Variants in MDGA2 observed in about 807,000 individuals in gnomAD.
MDGA2 encodes MAM domain-containing glycosylphosphatidylinositol anchor protein 2.
MDGA2 carries 40 observed loss-of-function variants against 117.8 expected under a neutral mutation model. The ratio of observed to expected loss-of-function variants is 0.34; its 90% confidence interval spans 0.26 to 0.44. The LOEUF is 0.44. MDGA2 is among the 20% of genes least tolerant of loss of function. The probability of loss-of-function intolerance (pLI) is 1.00; values close to 1 mark genes in which losing one functional copy is unlikely to be tolerated. For missense variants in MDGA2, 1,123 were observed against 1,250.6 expected, an observed-to-expected ratio of 0.90 and a Z score of 1.54; for synonymous variants, 452 against 439.0, an observed-to-expected ratio of 1.03 and a Z score of -0.37.
intron 1 of MDGA2, among the ~76,000 whole-genome samples, chr14:47,310,633 C>T (rs1358384898): frequency 1.3e-5 from 2 of 151,686 alleles, no homozygotes; most frequent in African/African-American, 4.8e-5. Flanking sequence ...TATATTGGAT[C>T]CTATGCTACA....
intron 2 of MDGA2, among the ~76,000 whole-genome samples, chr14:47,218,858 C>T (rs1366771807): frequency 6.6e-6 from 1 of 152,026 alleles, no homozygotes; most frequent in Non-Finnish European, 1.5e-5. Context: ...TTCTACTAAA[C>T]TGCCAAAACA....
At chr14:47,014,378 C>T (rs932993752) in intron 8 of MDGA2, among the ~76,000 whole-genome samples, 1 of 152,126 alleles carries the variant, frequency 6.6e-6, no homozygotes, top group Non-Finnish European at 1.5e-5. Flanking sequence ...TTCAGCCTAT[C>T]CTTTGAAGTT....
At chr14:47,142,816 G>GTA (rs1303139110) in intron 4 of MDGA2, among the ~76,000 whole-genome samples, 1 of 152,152 alleles carries the variant, frequency 6.6e-6, no homozygotes, top group Non-Finnish European at 1.5e-5. Flanking sequence ...CTTCGTTTCA[G>GTA]TACTATGTTA....
At chr14:47,663,675 C>G (rs991414226) in intron 1 of MDGA2, among the ~76,000 whole-genome samples, 14 of 152,108 alleles carry the variant, frequency 9.2e-5, no homozygotes, top group Non-Finnish European at 1.9e-4. Flanking sequence ...GTGGGAAACA[C>G]CAATTCTGGT....
At chr14:47,615,063 TA>T (rs1206090112) in intron 1 of MDGA2, among the ~76,000 whole-genome samples, 3 of 152,052 alleles carry the variant, frequency 2.0e-5, no homozygotes, top group East Asian at 1.9e-4. Context: ...TTATTTAATT[TA>T]AAAAAATCCT....
chr14:47,631,949 C>T (rs1224920003), intron 1 of MDGA2, among the ~76,000 whole-genome samples: 1 of 148,992 alleles, frequency 6.7e-6, no homozygotes, highest in Non-Finnish European at 1.5e-5. Context: ...TTTTTTAGCT[C>T]ATCCGCTATT....
intron 1 of MDGA2, among the ~76,000 whole-genome samples, chr14:47,657,601 A>G (rs772376339): frequency 1.8e-4 from 28 of 152,332 alleles, no homozygotes; most frequent in Admixed American, 1.2e-3. Context: ...ATTCATCTTG[A>G]TTGGAACTGA....
chr14:47,567,781 T>G (rs984906977), intron 1 of MDGA2, among the ~76,000 whole-genome samples: 2 of 152,182 alleles, frequency 1.3e-5, no homozygotes, highest in Non-Finnish European at 2.9e-5. Flanking sequence ...GTATAGTTTT[T>G]GTTTATTTTG....
chr14:47,634,062 G>A (rs1247845195), intron 1 of MDGA2, among the ~76,000 whole-genome samples: 3 of 152,108 alleles, frequency 2.0e-5, no homozygotes, highest in African/African-American at 2.4e-5. Context: ...TATCTTTTGG[G>A]AGGTAATTTG....
At chr14:46,907,231 G>T (rs552288667) in intron 10 of MDGA2, among the ~76,000 whole-genome samples, 1 of 152,168 alleles carries the variant, frequency 6.6e-6, no homozygotes, top group South Asian at 2.1e-4. Flanking sequence ...TCCTGCCTTG[G>T]CCTCCCAAAG....
At chr14:47,527,316 C>T (rs995612366) in intron 1 of MDGA2, among the ~76,000 whole-genome samples, 1 of 152,058 alleles carries the variant, frequency 6.6e-6, no homozygotes, top group African/African-American at 2.4e-5. Flanking sequence ...TCTTGGTTCC[C>T]ACTAGGAAAC....
At chr14:47,091,034 G>A (rs1392434365) in intron 6 of MDGA2, among the ~76,000 whole-genome samples, 2 of 152,094 alleles carry the variant, frequency 1.3e-5, no homozygotes, top group African/African-American at 4.8e-5. Flanking sequence ...CTACTCTTTT[G>A]GGATGGTTTG....
At chr14:47,218,431 C>T (rs556195576) in intron 2 of MDGA2, among the ~76,000 whole-genome samples, 2 of 152,040 alleles carry the variant, frequency 1.3e-5, no homozygotes, top group African/African-American at 2.4e-5. Context: ...TCATCAATTG[C>T]CTAGTCAGTG....
intron 9 of MDGA2, among the ~76,000 whole-genome samples, chr14:46,926,390 G>A (rs1434511255): frequency 6.7e-6 from 1 of 150,224 alleles, no homozygotes; most frequent in East Asian, 2.0e-4. Flanking sequence ...TGAAATCCAA[G>A]GTGAACTTAA....
At chr14:47,393,754 G>A (rs996631727) in intron 1 of MDGA2, among the ~76,000 whole-genome samples, 1 of 152,112 alleles carries the variant, frequency 6.6e-6, no homozygotes, top group African/African-American at 2.4e-5. Context: ...ATGATCACCA[G>A]CTATTTTTCC....
At chr14:46,990,426 TAC>T (rs1887043607) in intron 8 of MDGA2, among the ~76,000 whole-genome samples, 1 of 152,054 alleles carries the variant, frequency 6.6e-6, no homozygotes, top group Admixed American at 6.6e-5. Context: ...AAAATTCTGC[TAC>T]AGTTTCTATT....
intron 5 of MDGA2, among the ~76,000 whole-genome samples, chr14:47,102,830 C>T (rs775607664): frequency 6.6e-6 from 1 of 152,124 alleles, no homozygotes; most frequent in African/African-American, 2.4e-5. Context: ...GTTCTCAGAT[C>T]GAAGAATAAA....
At chr14:47,134,791 A>C (rs1882373379) in intron 4 of MDGA2, among the ~76,000 whole-genome samples, 2 of 151,432 alleles carry the variant, frequency 1.3e-5, no homozygotes, top group Admixed American at 1.3e-4. Context: ...ATATATATAT[A>C]TATATCACAC....
chr14:47,197,459 T>C (rs912086714), intron 3 of MDGA2, among the ~76,000 whole-genome samples: 13 of 152,042 alleles, frequency 8.6e-5, no homozygotes, highest in Non-Finnish European at 1.8e-4. Flanking sequence ...CTGATCTGGA[T>C]TTCCCAGACT....
Sources: gnomAD v4.1 joint callset for allele counts (sites outside exome capture counted in the v4.1 genomes callset) on GRCh38, gnomAD v4.1.1 for gene constraint, MANE v1.5 for transcripts, NCBI Gene and HGNC (gene_info 2026-07-23, HGNC 2026-07-21) for gene names.